Variants in BMERB1 observed in about 807,000 individuals in gnomAD.
BMERB1 encodes the protein bMERB domain containing 1.
A neutral mutation model predicts 23.6 loss-of-function variants in BMERB1; 12 were observed. The ratio of observed to expected loss-of-function variants is 0.51; its 90% confidence interval spans 0.33 to 0.82. The LOEUF is 0.82. BMERB1 is among the 40% of genes least tolerant of loss of function. The pLI is 0.03. For missense variants in BMERB1, 247 were observed against 255.4 expected, an observed-to-expected ratio of 0.97 and a Z score of 0.22; for synonymous variants, 122 against 96.6, an observed-to-expected ratio of 1.26 and a Z score of -1.54.
chr16:15,540,956 A>T (rs1598506389), intron 2 of BMERB1, among the ~76,000 whole-genome samples: 1 of 151,936 alleles, frequency 6.6e-6, no homozygotes, highest in Non-Finnish European at 1.5e-5. Flanking sequence ...TTCAGCTATC[A>T]CACTATGTCC....
At chr16:15,569,787 G>A (rs939819562) in intron 3 of BMERB1, among the ~76,000 whole-genome samples, 2 of 152,178 alleles carry the variant, frequency 1.3e-5, no homozygotes, top group African/African-American at 4.8e-5. Flanking sequence ...GATGTTATCT[G>A]CAGGAGTAAT....
At chr16:15,468,162 T>A (rs11075269) in intron 1 of BMERB1, among the ~76,000 whole-genome samples, 2 of 64,552 alleles carry the variant, frequency 3.1e-5, no homozygotes, top group Non-Finnish European at 6.2e-5. Flanking sequence ...TTTTTTTTTT[T>A]TGAGGCAGGG....
intron 3 of BMERB1, among the ~76,000 whole-genome samples, chr16:15,569,641 T>A (rs117120016): frequency 0.01 from 1,570 of 152,196 alleles, 19 homozygotes; most frequent in Non-Finnish European, 0.014. Context: ...GGGGATGCAA[T>A]CATAGGTGTG....
chr16:15,466,648 A>G (rs1472182947), intron 1 of BMERB1, among the ~76,000 whole-genome samples: 5 of 152,192 alleles, frequency 3.3e-5, no homozygotes, highest in African/African-American at 1.2e-4. Context: ...TAAATACAGT[A>G]TCAAAGACAG....
chr16:15,448,308 G>A (rs1006936948), intron 1 of BMERB1, among the ~76,000 whole-genome samples: 11 of 152,190 alleles, frequency 7.2e-5, no homozygotes, highest in African/African-American at 2.7e-4. Context: ...GATGAGGGCT[G>A]TATGTCCAAA....
At chr16:15,513,710 A>G (rs964667279) in intron 1 of BMERB1, among the ~76,000 whole-genome samples, 2 of 152,092 alleles carry the variant, frequency 1.3e-5, no homozygotes, top group African/African-American at 2.4e-5. Context: ...CCTGGCCAAC[A>G]TGGTGAAACC....
At chr16:15,520,071 C>G (rs2051831249) in intron 2 of BMERB1, among the ~76,000 whole-genome samples, 2 of 152,222 alleles carry the variant, frequency 1.3e-5, no homozygotes, top group East Asian at 1.9e-4. Flanking sequence ...TTAATTTTAG[C>G]TTCTTGAGTC....
At chr16:15,444,036 G>C (rs983485483) in intron 1 of BMERB1, among the ~76,000 whole-genome samples, 1 of 150,882 alleles carries the variant, frequency 6.6e-6, no homozygotes, top group Non-Finnish European at 1.5e-5. Context: ...AAAAGAGGAA[G>C]AGTGTAGAGA....
rs141132985 is a variant in BMERB1 at position 15,510,350 on chromosome 16, T to C, written c.107-4955T>C. Among the ~76,000 whole-genome samples the C allele has an allele frequency of 3.5e-3, 526 of 151,994 alleles. 7 individuals carry two copies. The highest frequency in any genetic ancestry group is 0.012 in the African/African-American group (499 of 41,544). ...TGAAGCCAGACCTGGACTCAGCTCT[T>C]TCCCTTGCCAGCGCTGAGCCTTTGT... On this transcript the variant is annotated intron_variant, in intron 1 of 5. Coordinates refer to ENST00000300006, the MANE Select transcript of BMERB1 (RefSeq NM_033201.3).
At position 15,530,896 on chromosome 16, in the gene BMERB1, CTTCT is replaced by C. The variant is rs1299133735; in HGVS notation, c.230+15475_230+15478del. 9.2e-3 allele frequency among the ~76,000 whole-genome samples: 1,343 copies of C among 146,080 alleles called. 11 individuals are homozygous for C. The highest frequency in any genetic ancestry group is 0.017 in the Non-Finnish European group (1,103 of 66,610). ...ACTGTGAGTCAATTAAACCTCTTTT[CTTCT>C]TTCTTTTTTTTTTTTTTTTTTTTTG... On this transcript the variant is annotated intron_variant, in intron 2 of 5. Coordinates refer to ENST00000300006, the MANE Select transcript of BMERB1 (RefSeq NM_033201.3).
At chr16:15,541,050 G>GCCAC (rs1250625100) in intron 2 of BMERB1, among the ~76,000 whole-genome samples, 1 of 151,938 alleles carries the variant, frequency 6.6e-6, no homozygotes, top group East Asian at 1.9e-4. Flanking sequence ...CAAGTCCGGA[G>GCCAC]CCACCCACCC....
chr16:15,532,912 C>T (rs2051983745), intron 2 of BMERB1: 5 of 435,996 alleles, frequency 1.1e-5, no homozygotes, highest in Admixed American at 2.5e-5. Context: ...AAATAGACCT[C>T]GTGCCTGGTA....
At chr16:15,571,850 G>C (rs576776649) in intron 3 of BMERB1, among the ~76,000 whole-genome samples, 13 of 151,800 alleles carry the variant, frequency 8.6e-5, no homozygotes, top group Middle Eastern at 3.2e-3. Context: ...CCTCTACTCC[G>C]CGTTTCCTTT....
intron 1 of BMERB1, among the ~76,000 whole-genome samples, chr16:15,462,137 C>CCT (rs2051140678): frequency 5.3e-5 from 3 of 56,932 alleles, no homozygotes; most frequent in African/African-American, 2.4e-4. Context: ...GATGTCCTGC[C>CCT]TTTTTTTTTT....
chr16:15,532,286 C>T (rs1371191483), intron 2 of BMERB1, among the ~76,000 whole-genome samples: 2 of 152,080 alleles, frequency 1.3e-5, no homozygotes, highest in Non-Finnish European at 2.9e-5. Flanking sequence ...GGCTGGAATG[C>T]AGTGGCTTGA....
At chr16:15,455,061 C>T (rs900051704) in intron 1 of BMERB1, among the ~76,000 whole-genome samples, 5 of 151,960 alleles carry the variant, frequency 3.3e-5, no homozygotes, top group Non-Finnish European at 5.9e-5. Flanking sequence ...TGAGGGCGCG[C>T]GTGGTGGCTC....
intron 5 of BMERB1, chr16:15,584,146 C>A: frequency 1.5e-6 from 1 of 670,952 alleles, no homozygotes; most frequent in South Asian, 1.6e-5. Context: ...GTCCCAGTGT[C>A]CATTAGGATA....
chr16:15,464,630 C>T (rs184550627), intron 1 of BMERB1, among the ~76,000 whole-genome samples: 1 of 152,266 alleles, frequency 6.6e-6, no homozygotes, highest in Non-Finnish European at 1.5e-5. Context: ...CTGAGAATTC[C>T]TCTTCCTTTT....
intron 1 of BMERB1, chr16:15,502,407 C>G (rs1681826331): frequency 6.6e-7 from 1 of 1,510,958 alleles, no homozygotes. Context: ...CCAGTGGCAT[C>G]CTCTCCACGA....
Sources: gnomAD v4.1 joint callset for allele counts (sites outside exome capture counted in the v4.1 genomes callset) on GRCh38, gnomAD v4.1.1 for gene constraint, MANE v1.5 for transcripts, NCBI Gene and HGNC (gene_info 2026-07-23, HGNC 2026-07-21) for gene names.